HDAC8: variants seen among roughly 807,000 people sequenced by gnomAD.
HDAC8 encodes histone deacetylase 8.
A neutral mutation model predicts 32.2 loss-of-function variants in HDAC8; 1 was observed. The observed-to-expected ratio is 0.03, with a 90% CI of 0.01 to 0.15. The LOEUF (loss-of-function observed/expected upper bound fraction) is 0.15, where lower values mean the gene tolerates loss of function less well. Ranked by LOEUF, HDAC8 falls within the 10% of genes least tolerant of loss-of-function variation. HDAC8 has a pLI of 1.00. For missense variants in HDAC8, 117 were observed against 300.0 expected (o/e 0.39, Z 4.51); for synonymous variants, 108 against 113.9 (o/e 0.95, Z 0.33).
At chrX:72,414,730 G>C (rs901547471) in intron 9 of HDAC8, among the ~76,000 whole-genome samples, 1 of 111,630 alleles carries the variant, frequency 9.0e-6, no homozygotes, top group African/African-American at 3.3e-5. Context: ...GGGGAGGGAG[G>C]TGTGTCCACT....
At chrX:72,337,724 A>G (rs2147688104) in intron 10 of HDAC8, among the ~76,000 whole-genome samples, 1 of 111,519 alleles carries the variant, frequency 9.0e-6, no homozygotes, top group South Asian at 3.8e-4. Context: ...GACAGACCAC[A>G]TCACTCCTAT....
intron 9 of HDAC8, among the ~76,000 whole-genome samples, chrX:72,354,995 G>A (rs1397620757): frequency 3.6e-5 from 4 of 112,076 alleles, no homozygotes; most frequent in Non-Finnish European, 7.5e-5. Context: ...GTCAGGTGAA[G>A]CGCTTAGGGC....
chrX:72,337,425 T>G (rs1245861667), intron 10 of HDAC8, among the ~76,000 whole-genome samples: 2 of 111,886 alleles, frequency 1.8e-5, no homozygotes, highest in African/African-American at 6.5e-5. Context: ...AACAGTCCTC[T>G]TGTGCTTTTT....
chrX:72,558,622 C>G (rs781849417), intron 4 of HDAC8, among the ~76,000 whole-genome samples: 1 of 111,517 alleles, frequency 9.0e-6, no homozygotes, highest in Non-Finnish European at 1.9e-5. Flanking sequence ...AACAAACCCA[C>G]GGCCAACATT....
intron 9 of HDAC8, among the ~76,000 whole-genome samples, chrX:72,413,414 T>C (rs1194113134): frequency 9.1e-6 from 1 of 109,816 alleles, no homozygotes; most frequent in Non-Finnish European, 1.9e-5. Flanking sequence ...TAAAAAATGA[T>C]GAGTTCATGT....
intron 4 of HDAC8, among the ~76,000 whole-genome samples, chrX:72,551,310 C>A (rs1220148621): frequency 1.8e-5 from 2 of 111,888 alleles, no homozygotes; most frequent in African/African-American, 3.2e-5. Flanking sequence ...AAATATCTCA[C>A]AGGAAGTGAA....
chrX:72,487,728 T>C (rs2048723808), intron 7 of HDAC8, among the ~76,000 whole-genome samples: 1 of 95,430 alleles, frequency 1.0e-5, no homozygotes, highest in Admixed American at 1.1e-4. Context: ...TTTTCTGTTA[T>C]GGTAAAAAAA....
chrX:72,438,974 A>G (rs5958795), intron 9 of HDAC8, among the ~76,000 whole-genome samples: 3,750 of 111,469 alleles, frequency 0.034, 152 homozygotes, highest in African/African-American at 0.12. Context: ...CACCACAAAG[A>G]TACTCCTCGA....
intron 9 of HDAC8, among the ~76,000 whole-genome samples, chrX:72,372,973 C>T (rs1378499792): frequency 9.0e-6 from 1 of 111,268 alleles, no homozygotes; most frequent in African/African-American, 3.3e-5. Context: ...AGTTCTAGGC[C>T]CTGGAGATTG....
intron 10 of HDAC8, among the ~76,000 whole-genome samples, chrX:72,350,956 G>C (rs1017083705): frequency 1.2e-4 from 13 of 112,155 alleles, no homozygotes; most frequent in Non-Finnish European, 2.3e-4. Flanking sequence ...GCTGAGTCCA[G>C]GTAACCCACT....
chrX:72,349,635 G>A (rs59642633), intron 10 of HDAC8, among the ~76,000 whole-genome samples: 16,039 of 110,671 alleles, frequency 0.14, 1,327 homozygotes, highest in South Asian at 0.47. Context: ...ACCAACCCTC[G>A]TCCTAGCCTT....
intron 9 of HDAC8, among the ~76,000 whole-genome samples, chrX:72,445,126 CA>C (rs1487607847): frequency 9.1e-6 from 1 of 110,374 alleles, no homozygotes; most frequent in Admixed American, 9.7e-5. Flanking sequence ...TTTACAGATT[CA>C]ATGCCATCCC....
At chrX:72,534,315 AT>A (rs1389411819) in intron 4 of HDAC8, among the ~76,000 whole-genome samples, 6,494 of 93,953 alleles carry the variant, frequency 0.069, 649 homozygotes, top group African/African-American at 0.26. Flanking sequence ...ATATATATAT[AT>A]TTTTTTTTTT....
chrX:72,501,482 C>G (rs184966688), intron 4 of HDAC8, among the ~76,000 whole-genome samples: 2 of 109,372 alleles, frequency 1.8e-5, no homozygotes, highest in Admixed American at 2.0e-4. Context: ...CTATCACCAT[C>G]TGATCTTCAA....
Position 72,347,590 on chromosome X carries a change from G to C in HDAC8, c.1111+4143C>G, listed in dbSNP as rs782340945. ...TGATTCGAATGTCATCAGTACCAGA[G>C]ACCAGAAAGCCTCCTACCTCTATCT... is the stretch of plus-strand genomic sequence containing the variant. On this transcript the variant is annotated intron_variant, in intron 10 of 10. Coordinates refer to ENST00000373573, the MANE Select transcript of HDAC8 (RefSeq NM_018486.3). Among the ~76,000 whole-genome samples, 3 of 111,855 alleles carry C rather than the reference G, an allele frequency of 2.7e-5. No homozygotes were observed. In the South Asian group the frequency reaches 1.1e-3, roughly 43 times the overall value.
intron 4 of HDAC8, among the ~76,000 whole-genome samples, chrX:72,497,977 A>G (rs2049080507): frequency 9.0e-6 from 1 of 111,036 alleles, no homozygotes; most frequent in African/African-American, 3.3e-5. Flanking sequence ...TTTTTTGCCA[A>G]TTAAAGAAGT....
intron 9 of HDAC8, among the ~76,000 whole-genome samples, chrX:72,441,351 C>A (rs937232376): frequency 1.8e-5 from 2 of 111,945 alleles, no homozygotes; most frequent in Non-Finnish European, 3.8e-5. Context: ...TCCAGAGGAA[C>A]GATCAGACAG....
Position 72,349,897 on chromosome X carries a change from C to T in HDAC8, c.1111+1836G>A, listed in dbSNP as rs1011158688. ...TTGCTTGGTTTCCCTGTTTCTATTG[C>T]TTTGTCTGTGCTCTACCAGGATTTA... On this transcript the variant is annotated intron_variant, in intron 10 of 10. Transcript: ENST00000373573. 6.3e-5 allele frequency among the ~76,000 whole-genome samples: 7 copies of T among 111,591 alleles called. No homozygotes were observed. The Admixed American group carries it at 6.7e-4, about 11-fold the overall frequency.
At chrX:72,501,600 T>C (rs2049219371) in intron 4 of HDAC8, among the ~76,000 whole-genome samples, 1 of 111,770 alleles carries the variant, frequency 8.9e-6, no homozygotes. Context: ...CCCTTTCTTA[T>C]AGGATATACA....
Sources: allele counts gnomAD v4.1 joint callset (sites outside exome capture counted in the v4.1 genomes callset), GRCh38; gene constraint gnomAD v4.1.1; transcripts MANE v1.5; gene names NCBI Gene and HGNC (gene_info 2026-07-23, HGNC 2026-07-21).